Variants in CEP152 observed in about 807,000 individuals in gnomAD.
CEP152 encodes the protein centrosomal protein of 152 kDa.
Under a neutral mutation model 188.9 loss-of-function variants are expected in CEP152, and 132 were observed. The observed-to-expected ratio is 0.70, with a 90% CI of 0.61 to 0.81. The LOEUF (loss-of-function observed/expected upper bound fraction) is 0.81, where lower values mean the gene tolerates loss of function less well. Ranked by LOEUF, CEP152 falls within the 30% of genes least tolerant of loss-of-function variation. The pLI is 0.00. For synonymous variants in CEP152, 649 were observed against 666.6 expected, an observed-to-expected ratio of 0.97 and a Z score of 0.41; for missense variants, 1,914 against 1,969.8, an observed-to-expected ratio of 0.97 and a Z score of 0.54.
chr15:48,766,433 A>G (rs1895100620), intron 17 of CEP152, among the ~76,000 whole-genome samples: 1 of 152,202 alleles, frequency 6.6e-6, no homozygotes, highest in Non-Finnish European at 1.5e-5. Flanking sequence ...GTGACTGTTT[A>G]CATGTGATTT....
intron 2 of CEP152, among the ~76,000 whole-genome samples, chr15:48,804,850 C>T (rs949424848): frequency 1.3e-5 from 2 of 152,242 alleles, no homozygotes. Context: ...CACCCACATC[C>T]ACCACCCAAC....
At chr15:48,792,258 G>T (rs1363293557) in intron 7 of CEP152, among the ~76,000 whole-genome samples, 1 of 152,116 alleles carries the variant, frequency 6.6e-6, no homozygotes, top group Admixed American at 6.5e-5. Context: ...CCAAAGTGCC[G>T]GGATTACAGG....
intron 1 of CEP152, 94 bp from the exon 2 acceptor site, chr15:48,805,750 A>G: frequency 6.5e-7 from 1 of 1,544,808 alleles, no homozygotes. Flanking sequence ...ACAAAGTGAA[A>G]AGACAGAAAC....
At chr15:48,753,026 C>G (rs1016910360) in intron 20 of CEP152, among the ~76,000 whole-genome samples, 15 of 152,184 alleles carry the variant, frequency 9.9e-5, no homozygotes, top group Non-Finnish European at 1.5e-5. Flanking sequence ...GAAACTGAGG[C>G]TTAGCTAAAT....
At chr15:48,756,649 G>A in intron 19 of CEP152, 96 bp from the exon 20 acceptor site, 3 of 1,082,056 alleles carry the variant, frequency 2.8e-6, no homozygotes, top group Non-Finnish European at 4.0e-6. Context: ...TCTGAAGCTA[G>A]GAAATGTAAA....
intron 2 of CEP152, among the ~76,000 whole-genome samples, chr15:48,731,515 C>T (rs1359831714): frequency 6.6e-6 from 1 of 152,124 alleles, no homozygotes; most frequent in Admixed American, 6.6e-5. Flanking sequence ...CCCTTCCTTA[C>T]ACCTTATACA....
intron 1 of CEP152, chr15:48,810,118 T>A (rs1202057075): frequency 1.3e-5 from 2 of 152,242 alleles, no homozygotes. Context: ...ATAATAGGCT[T>A]AAATCAGACT....
rs201666673 is a variant in CEP152, at chr15:48,738,683, C to T, written c.4699G>A (p.Asp1567Asn). ...GGCCAGCCCAAGCAGTCACTAAGGT[C>T]CCCTCCATCTTTTACTGGAGGTTCC... ...VQEPPVKDGG[D>N]LSDCLGWPSS... The change falls in exon 27 of 27, where the codon GAC becomes AAC. Residue 1567 changes from aspartate (D) to asparagine (N), a missense_variant. Asp to Asn is a conservative substitution (Grantham distance 23). Transcript: ENST00000380950. The T allele has an allele frequency of 1.7e-5, 28 of 1,614,066 alleles. No individual in the cohort carries two copies. The Middle Eastern group carries it at 4.9e-4, about 28-fold the overall frequency.
rs1349287095 is a variant in CEP152, at chr15:48,767,105, C to T, written c.2235G>A (p.Leu745=). 4 of 1,613,496 alleles carry T rather than the reference C, an allele frequency of 2.5e-6. No homozygotes were observed. The highest frequency in any genetic ancestry group is 1.1e-5 in the South Asian group (1 of 91,078). Residue 745 remains leucine (L), a synonymous_variant, in exon 17 of 27, where the codon TTG becomes TTA. Transcript: ENST00000380950. The part of the protein sequence containing the change: ...EVCREKDNLE[L]TLRKTTEKEQ... Reference sequence around the variant, plus strand: ...CCTTTTCAGTGGTCTTCCTGAGAGTCAATTCTAGATTATCCTTCTCTCTGC... The same window carrying T: ...CCTTTTCAGTGGTCTTCCTGAGAGTTAATTCTAGATTATCCTTCTCTCTGC...
At chr15:48,771,350 G>T (rs1895518670) in intron 13 of CEP152, among the ~76,000 whole-genome samples, 2 of 152,164 alleles carry the variant, frequency 1.3e-5, no homozygotes, top group Admixed American at 1.3e-4. Flanking sequence ...GACAAAACCA[G>T]ATTTTGTGTA....
downstream of CEP152, among the ~76,000 whole-genome samples, chr15:48,736,712 A>G (rs1172230622): frequency 2.0e-5 from 3 of 152,236 alleles, no homozygotes; most frequent in Non-Finnish European, 2.9e-5. Flanking sequence ...ATGAGTATCA[A>G]AAAAGATTAA....
intron 12 of CEP152, among the ~76,000 whole-genome samples, chr15:48,778,278 G>C (rs1310806075): frequency 6.6e-6 from 1 of 152,176 alleles, no homozygotes; most frequent in African/African-American, 2.4e-5. Flanking sequence ...TTTGAAAGCA[G>C]CCCAAGTCAA....
intron 13 of CEP152, 86 bp from the exon 14 acceptor site, chr15:48,769,167 C>G (rs1895355917): frequency 9.3e-7 from 1 of 1,077,040 alleles, no homozygotes. Flanking sequence ...AAAAAAATTG[C>G]AAACAGTACA....
chr15:48,752,248 C>T (rs1893925622), intron 21 of CEP152, 101 bp downstream of exon 21: 1 of 1,589,062 alleles, frequency 6.3e-7, no homozygotes, highest in South Asian at 1.1e-5. Context: ...ACGATTATTA[C>T]CCATTTGTTC....
chr15:48,781,686 T>C (rs931989855), intron 11 of CEP152, among the ~76,000 whole-genome samples: 3 of 152,182 alleles, frequency 2.0e-5, no homozygotes, highest in Admixed American at 6.5e-5. Flanking sequence ...CAGGACAAAG[T>C]ACGCTGGTTT....
At chr15:48,747,205 G>C (rs1406081207) in intron 22 of CEP152, among the ~76,000 whole-genome samples, 4 of 152,224 alleles carry the variant, frequency 2.6e-5, no homozygotes, top group African/African-American at 9.6e-5. Flanking sequence ...GAAGCATAAA[G>C]AGTCAGGGAA....
chr15:48,760,142 T>G lies in CEP152; in HGVS notation c.2687A>C (p.Asn896Thr). ...KWEEQHEVSV[N>T]KRISFAVSEA... is the part of the protein sequence containing the mutation. ...TTGCAGAAGAGCTCTTACCCTTTTGTTCACAGAGACCTCATGCTGTTCTTC... is the reference window on the plus strand; with the variant it reads ...TTGCAGAAGAGCTCTTACCCTTTTGGTCACAGAGACCTCATGCTGTTCTTC... The change falls in exon 19 of 27, where the codon AAC becomes ACC. Residue 896 changes from asparagine (N) to threonine (T), a missense_variant. Transcript: ENST00000380950. 6.2e-7 allele frequency: 1 copy of G among 1,614,020 alleles called. No individual in the cohort carries two copies. Among genetic ancestry groups the G allele is most frequent in the Non-Finnish European group, 8.5e-7 (1 of 1,179,918 alleles).
downstream of CEP152, among the ~76,000 whole-genome samples, chr15:48,733,886 G>A (rs183994099): frequency 3.3e-5 from 5 of 152,192 alleles, no homozygotes; most frequent in Non-Finnish European, 5.9e-5. Context: ...AAAGTCAACC[G>A]AGAACTCTAA....
Position 48,781,358 on chromosome 15 carries a change from T to C in CEP152, c.1415A>G (p.Glu472Gly). Residue 472 changes from glutamate (E) to glycine (G), a missense_variant and splice_region_variant, in exon 12 of 27, where the codon GAA becomes GGA. Coordinates refer to ENST00000380950, the MANE Select transcript of CEP152 (RefSeq NM_001194998.2). ...MSANMNKALQEELTELKDEIS... is the reference protein window; with the variant it reads ...MSANMNKALQGELTELKDEIS... ...TTCATCTTTTAGTTCTGTTAATTCT[T>C]CCTACAACACAAAATTATTAAAAAT... The C allele has an allele frequency of 6.3e-7, 1 of 1,591,068 alleles. No homozygotes were observed. Among genetic ancestry groups the C allele is most frequent in the South Asian group, 1.1e-5 (1 of 90,300 alleles).
Sources: gnomAD v4.1 joint callset for allele counts (sites outside exome capture counted in the v4.1 genomes callset) on GRCh38, gnomAD v4.1.1 for gene constraint, MANE v1.5 for transcripts, NCBI Gene and HGNC (gene_info 2026-07-23, HGNC 2026-07-21) for gene names.